The following GLCCI1 variants were observed in gnomAD, a reference collection of about 807,000 sequenced individuals.
GLCCI1 encodes glucocorticoid-induced transcript 1 protein.
In GLCCI1, 24 loss-of-function variants were observed where a neutral mutation model predicts 52.2. The ratio of observed to expected loss-of-function variants is 0.46; its 90% CI spans 0.33 to 0.65. The LOEUF (loss-of-function observed/expected upper bound fraction) is 0.65. GLCCI1 is among the 30% of genes least tolerant of loss of function. GLCCI1 has a pLI of 0.02. For synonymous variants in GLCCI1, 310 were observed against 276.5 expected (o/e 1.12, Z -1.20); for missense variants, 704 against 701.5 (o/e 1.00, Z -0.04).
intron 6 of GLCCI1, among the ~76,000 whole-genome samples, chr7:8,083,075 A>G (rs1357883823): frequency 6.6e-6 from 1 of 152,226 alleles, no homozygotes; most frequent in East Asian, 1.9e-4. Context: ...GTCCAGCAGT[A>G]ATCTCCATGG....
intron 2 of GLCCI1, chr7:8,004,291 T>A: frequency 2.5e-6 from 1 of 399,472 alleles, no homozygotes; most frequent in South Asian, 5.4e-5. Context: ...CTATATTACA[T>A]GGTTGTAGAC....
At chr7:8,012,044 C>T (rs549260604) in intron 2 of GLCCI1, among the ~76,000 whole-genome samples, 1 of 151,786 alleles carries the variant, frequency 6.6e-6, no homozygotes, top group South Asian at 2.1e-4. Context: ...CTCAATCTCT[C>T]GACCTTGTGA....
At chr7:7,991,444 G>A (rs1178558905) in intron 1 of GLCCI1, among the ~76,000 whole-genome samples, 1 of 151,958 alleles carries the variant, frequency 6.6e-6, no homozygotes, top group Non-Finnish European at 1.5e-5. Flanking sequence ...CAGAATTAGA[G>A]GAATTATAGG....
intron 3 of GLCCI1, among the ~76,000 whole-genome samples, chr7:8,035,968 G>T (rs145715682): frequency 9.1e-4 from 138 of 152,322 alleles, no homozygotes; most frequent in African/African-American, 3.2e-3. Flanking sequence ...CCCATCAGGG[G>T]CTGAGCAGAG....
In GLCCI1 at chr7:8,005,654, C is replaced by T. The variant is rs190435799; in HGVS notation, c.609+1595C>T. 1.6e-3 allele frequency among the ~76,000 whole-genome samples: 237 copies of T among 152,206 alleles called. 1 individual carries two copies. The highest frequency in any genetic ancestry group is 2.2e-3 in the Non-Finnish European group (147 of 67,998). ...GGGATTATAGGATAATACAAACATA[C>T]ATATGTATGTATGTACCTAGTGCTG... On this transcript the variant is annotated intron_variant, in intron 2 of 7. Coordinates refer to ENST00000223145, the MANE Select transcript of GLCCI1 (RefSeq NM_138426.4).
At chr7:8,068,213 C>T (rs1013380008) in intron 5 of GLCCI1, among the ~76,000 whole-genome samples, 2 of 152,062 alleles carry the variant, frequency 1.3e-5, no homozygotes, top group African/African-American at 2.4e-5. Context: ...AGCCGGTCAT[C>T]GTGGTGGGCA....
intron 1 of GLCCI1, chr7:7,980,832 G>C (rs1780599235): frequency 3.0e-6 from 2 of 677,500 alleles, no homozygotes; most frequent in Non-Finnish European, 5.4e-6. Context: ...TGTTGACAAG[G>C]ACTTTGTACC....
intron 1 of GLCCI1, chr7:7,982,048 G>C: frequency 2.2e-6 from 1 of 462,084 alleles, no homozygotes; most frequent in Non-Finnish European, 4.3e-6. Flanking sequence ...AGAAATGAAA[G>C]AGTAAAAAGA....
rs1017731277 is a variant in GLCCI1 at position 7,999,771 on chromosome 7, T to G, written c.458-4137T>G. Among the ~76,000 whole-genome samples, 164 of 151,924 alleles carry G rather than the reference T, an allele frequency of 1.1e-3. 2 individuals carry two copies. Among genetic ancestry groups the G allele is most frequent in the Non-Finnish European group, 1.3e-4 (9 of 67,968 alleles). The stretch of plus-strand genomic sequence containing the variant: ...TTAAAAAATTAGCTGGGTGTGGTGA[T>G]GCACACCTGTGGTCCCAGCTACTCA... On this transcript the variant is annotated intron_variant, in intron 1 of 7. Transcript: ENST00000223145.
intron 3 of GLCCI1, among the ~76,000 whole-genome samples, chr7:8,052,546 A>T (rs1163683458): frequency 2.6e-5 from 4 of 152,238 alleles, no homozygotes; most frequent in Admixed American, 6.5e-5. Flanking sequence ...TAGTAGTGGG[A>T]TAGAGAGACC....
chr7:8,064,952 G>A (rs1029070200), intron 5 of GLCCI1, among the ~76,000 whole-genome samples: 10 of 152,092 alleles, frequency 6.6e-5, no homozygotes, highest in Non-Finnish European at 1.2e-4. Context: ...TCCTGACCGC[G>A]TGATCTGCCC....
At chr7:8,020,623 G>A (rs1781463819) in intron 2 of GLCCI1, among the ~76,000 whole-genome samples, 1 of 152,072 alleles carries the variant, frequency 6.6e-6, no homozygotes, top group Non-Finnish European at 1.5e-5. Context: ...TTTGAAAAAG[G>A]GCTGTACAAA....
intron 1 of GLCCI1, among the ~76,000 whole-genome samples, chr7:7,984,814 T>C (rs1474741427): frequency 6.6e-6 from 1 of 152,188 alleles, no homozygotes; most frequent in African/African-American, 2.4e-5. Context: ...TCTGTCTGAG[T>C]TTTACAATTC....
intron 3 of GLCCI1, among the ~76,000 whole-genome samples, chr7:8,040,525 A>ACACACAC (rs1554261684): frequency 6.9e-6 from 1 of 145,210 alleles, no homozygotes. Flanking sequence ...AGATATAATT[A>ACACACAC]ACACACACAC....
At chr7:8,039,517 T>G (rs1377137025) in intron 3 of GLCCI1, among the ~76,000 whole-genome samples, 1 of 152,170 alleles carries the variant, frequency 6.6e-6, no homozygotes, top group Non-Finnish European at 1.5e-5. Context: ...GGGCATTATC[T>G]TAAATGAAAT....
At chr7:7,971,178 GCTCCTGCACTC>G (rs1478603592) in intron 1 of GLCCI1, among the ~76,000 whole-genome samples, 7 of 152,158 alleles carry the variant, frequency 4.6e-5, no homozygotes, top group Non-Finnish European at 8.8e-5. Context: ...GGAGGAATAT[GCTCCTGCACTC>G]CTCCCCCAGG....
intron 2 of GLCCI1, among the ~76,000 whole-genome samples, chr7:8,017,284 T>C (rs953172735): frequency 3.5e-4 from 53 of 152,336 alleles, no homozygotes; most frequent in Admixed American, 3.3e-3. Context: ...GCTGATTTTC[T>C]GTCAGATGTA....
intron 3 of GLCCI1, among the ~76,000 whole-genome samples, chr7:8,046,172 G>GAAATT: frequency 1.0e-5 from 1 of 100,302 alleles, no homozygotes; most frequent in East Asian, 3.0e-4. Context: ...CTATCAGCTG[G>GAAATT]GAATTGAAAG....
rs1043224077 is a variant in GLCCI1 at position 7,969,949 on chromosome 7, G to C, written c.457+142G>C. 2.8e-6 allele frequency: 3 copies of C among 1,086,884 alleles called. No homozygotes were observed. The highest frequency in any genetic ancestry group is 2.7e-5 in the South Asian group (1 of 36,548). The allele number at this position is 1,086,884 out of a possible 1,614,324, so 67.3% of individuals were successfully genotyped here. Reference sequence around the variant, plus strand: ...GGCTTTGGGAATCTCACCCCCCTGCGGTCGCTGTGGGGCTTGGAGGAGCGA... The same window carrying C: ...GGCTTTGGGAATCTCACCCCCCTGCCGTCGCTGTGGGGCTTGGAGGAGCGA... On this transcript the variant is annotated intron_variant, in intron 1 of 7. Coordinates refer to ENST00000223145, the MANE Select transcript of GLCCI1 (RefSeq NM_138426.4). This position sits in a 1 kb window ranked among gnomAD's most constrained non-coding sequence, Gnocchi z 4.9.
Sources: gnomAD v4.1 joint callset for allele counts (sites outside exome capture counted in the v4.1 genomes callset) on GRCh38, gnomAD v4.1.1 for gene constraint, Gnocchi (gnomAD v3.1) non-coding constraint, MANE v1.5 for transcripts, NCBI Gene and HGNC (gene_info 2026-07-23, HGNC 2026-07-21) for gene names.